The following PRSS1 variants were observed in gnomAD, a reference collection of about 807,000 sequenced individuals.
PRSS1 encodes serine protease 1.
PRSS1 carries 22 observed loss-of-function variants against 24.2 expected under a neutral mutation model. The observed-to-expected ratio is 0.91, with a 90% CI of 0.65 to 1.30. The LOEUF (loss-of-function observed/expected upper bound fraction) is 1.30, where lower values mean the gene tolerates loss of function less well. Among genes scored for constraint, PRSS1 ranks in the 50% most tolerant of loss-of-function variants. PRSS1 has a pLI of 0.00. For missense variants in PRSS1, 366 were observed against 304.2 expected (o/e 1.20, Z -1.51); for synonymous variants, 126 against 116.1 (o/e 1.08, Z -0.55).
At chr7:142,749,680 T>G (rs1798521618) in intron 1 of PRSS1, among the ~76,000 whole-genome samples, 156 bp downstream of exon 1, 1 of 151,098 alleles carries the variant, frequency 6.6e-6, no homozygotes, top group South Asian at 2.1e-4. Flanking sequence ...GGGCTCTTTT[T>G]AAGTCTCACC....
intron 2 of PRSS1, chr7:142,751,232 G>A (rs1308972675): frequency 3.2e-6 from 2 of 628,288 alleles, no homozygotes; most frequent in Admixed American, 2.7e-5. Flanking sequence ...GGCTTGTTAA[G>A]GCACAAATCA....
At chr7:142,751,098 G>A (rs191381929) in intron 2 of PRSS1, 1 of 702,680 alleles carries the variant, frequency 1.4e-6, no homozygotes, top group Non-Finnish European at 2.6e-6. Flanking sequence ...TCAGGAAGAG[G>A]GTGTGAATAT....
intron 2 of PRSS1, chr7:142,751,551 G>C (rs1798730921): frequency 2.7e-6 from 2 of 747,870 alleles, no homozygotes; most frequent in Admixed American, 2.8e-5. Context: ...GGATCCCTTT[G>C]ACTCTTCCCC....
intron 1 of PRSS1, 135 bp downstream of exon 1, chr7:142,749,659 C>T: frequency 8.1e-7 from 1 of 1,231,154 alleles, no homozygotes; most frequent in Non-Finnish European, 1.2e-6. Flanking sequence ...TATCTCCTTC[C>T]CATCCTCCTT....
intron 4 of PRSS1, 94 bp from the exon 5 acceptor site, chr7:142,752,774 G>T: frequency 1.3e-6 from 2 of 1,533,540 alleles, no homozygotes; most frequent in Non-Finnish European, 1.8e-6. Context: ...TGGAGCCACA[G>T]AGCTGGCTGG....
chr7:142,751,926 T>G lies in PRSS1; in HGVS notation c.353T>G (p.Val118Gly), dbSNP rs753618826. ...IMLIKLSSRA[V>G]INARVSTISL... is the part of the protein sequence containing the mutation. ...TTAATCAAGCTCTCCTCACGTGCAGTAATCAACGCCCGCGTGTCCACCATC... is the reference window on the plus strand; with the variant it reads ...TTAATCAAGCTCTCCTCACGTGCAGGAATCAACGCCCGCGTGTCCACCATC... The change falls in exon 3 of 5, where the codon GTA (valine) becomes GGA (glycine). Residue 118 changes from valine (V) to glycine (G), a missense_variant. Val to Gly is a moderately radical substitution (Grantham distance 109). Coordinates refer to ENST00000311737, the MANE Select transcript of PRSS1 (RefSeq NM_002769.5). 5 of 1,613,888 alleles carry G rather than the reference T, an allele frequency of 3.1e-6. No homozygotes were observed. The highest frequency in any genetic ancestry group is 4.2e-6 in the Non-Finnish European group (5 of 1,179,988).
At chr7:142,751,070 G>T (rs1245153564) in intron 2 of PRSS1, 1 of 702,974 alleles carries the variant, frequency 1.4e-6, no homozygotes, top group South Asian at 1.5e-5. Flanking sequence ...CTATCCCAGG[G>T]CAATTAAGTC....
At chr7:142,750,963 G>A (rs1314799551) in intron 2 of PRSS1, 3 of 731,092 alleles carry the variant, frequency 4.1e-6, no homozygotes, top group East Asian at 2.7e-5. Context: ...TTGGGGTGGT[G>A]AGAGCTAGTG....
chr7:142,750,871 A>G (rs1043237788), intron 2 of PRSS1, 157 bp downstream of exon 2: 1 of 1,103,492 alleles, frequency 9.1e-7, no homozygotes, highest in Non-Finnish European at 1.4e-6. Flanking sequence ...GCAGAGAGTG[A>G]ACACAAGACA....
At chr7:142,750,142 AT>A (rs1016997034) in intron 1 of PRSS1, among the ~76,000 whole-genome samples, 1 of 151,652 alleles carries the variant, frequency 6.6e-6, no homozygotes, top group African/African-American at 2.4e-5. Flanking sequence ...GGCCAGGTCT[AT>A]GCAGACAGGG....
chr7:142,751,599 G>C, intron 2 of PRSS1, 175 bp from the exon 3 acceptor site: 1 of 1,182,938 alleles, frequency 8.5e-7, no homozygotes, highest in South Asian at 1.5e-5. Flanking sequence ...GATAGGTCCT[G>C]GGTCTCATAC....
intron 1 of PRSS1, 40 bp from the exon 2 acceptor site, chr7:142,750,515 T>C: frequency 1.9e-6 from 3 of 1,613,782 alleles, no homozygotes; most frequent in East Asian, 4.5e-5. Flanking sequence ...ACCCCTAACA[T>C]GCTATTGACT....
rs768590288 is a variant in PRSS1, at chr7:142,752,964, A to T, written c.688A>T (p.Thr230Ser). Residue 230 changes from threonine to serine, a missense_variant, in exon 5 of 5, where the codon ACC becomes TCC. Transcript: ENST00000311737. ...CAQKNKPGVY[T>S]KVYNYVKWIK... ...CCAGAAGAACAAGCCTGGAGTCTAC[A>T]CCAAGGTCTACAACTATGTGAAATG... The T allele has an allele frequency of 3.7e-6, 6 of 1,613,852 alleles. No homozygotes were observed. The South Asian group carries it at 6.6e-5, about 18-fold the overall frequency.
chr7:142,752,990 G>T lies in PRSS1; in HGVS notation c.714G>T (p.Trp238Cys). ...CCAAGGTCTACAACTATGTGAAATG[G>T]ATTAAGAACACCATAGCTGCCAATA... ...VYTKVYNYVK[W>C]IKNTIAANS Residue 238 changes from tryptophan (W) to cysteine (C), a missense_variant, in exon 5 of 5, where the codon TGG becomes TGT. Trp to Cys is a radical substitution (Grantham distance 215). Coordinates refer to ENST00000311737, the MANE Select transcript of PRSS1 (RefSeq NM_002769.5). 1 of 1,613,698 alleles carries T rather than the reference G, an allele frequency of 6.2e-7. No individual in the cohort carries two copies. The highest frequency in any genetic ancestry group is 2.2e-5 in the East Asian group (1 of 44,854).
At chr7:142,751,290 A>G in intron 2 of PRSS1, 1 of 602,850 alleles carries the variant, frequency 1.7e-6, no homozygotes, top group East Asian at 2.8e-5. Context: ...GGTAAGGACC[A>G]AGAATTCACA....
intron 4 of PRSS1, 48 bp downstream of exon 4, chr7:142,752,615 G>A (rs1220909289): frequency 2.5e-6 from 4 of 1,613,900 alleles, no homozygotes; most frequent in Middle Eastern, 1.6e-4. Flanking sequence ...TGATACCTAG[G>A]CCCCACCAGG....
chr7:142,752,971 T>C lies in PRSS1; in HGVS notation c.695T>C (p.Val232Ala). 1 of 1,613,700 alleles carries C rather than the reference T, an allele frequency of 6.2e-7. No individual in the cohort carries two copies. Among genetic ancestry groups the C allele is most frequent in the East Asian group, 2.2e-5 (1 of 44,868 alleles). The change falls in exon 5 of 5, where the codon GTC becomes GCC. Residue 232 changes from valine to alanine, a missense_variant. Transcript: ENST00000311737. ...AACAAGCCTGGAGTCTACACCAAGGTCTACAACTATGTGAAATGGATTAAG... is the reference window on the plus strand; with the variant it reads ...AACAAGCCTGGAGTCTACACCAAGGCCTACAACTATGTGAAATGGATTAAG... ...QKNKPGVYTK[V>A]YNYVKWIKNT...
intron 2 of PRSS1, 148 bp downstream of exon 2, chr7:142,750,862 C>T (rs1484474652): frequency 1.7e-6 from 2 of 1,201,058 alleles, no homozygotes; most frequent in Admixed American, 1.9e-5. Context: ...CTCTCCAGAG[C>T]AGAGAGTGAA....
Position 142,752,536 on chromosome 7 carries a change from G to A in PRSS1, c.560G>A (p.Gly187Asp). The stretch of plus-strand genomic sequence containing the variant: ...ATTACCAGCAACATGTTCTGTGTGG[G>A]CTTCCTTGAGGGAGGCAAGGATTCA... ...GKITSNMFCV[G>D]FLEGGKDSCQ... Residue 187 changes from glycine to aspartate, a missense_variant, in exon 4 of 5, where the codon GGC becomes GAC. Transcript: ENST00000311737. 4 of 1,614,206 alleles carry A rather than the reference G, an allele frequency of 2.5e-6. No homozygotes were observed. The highest frequency in any genetic ancestry group is 3.4e-6 in the Non-Finnish European group (4 of 1,180,028).
Sources: gnomAD v4.1 joint callset for allele counts (sites outside exome capture counted in the v4.1 genomes callset) on GRCh38, gnomAD v4.1.1 for gene constraint, MANE v1.5 for transcripts, NCBI Gene and HGNC (gene_info 2026-07-23, HGNC 2026-07-21) for gene names.